The following CCDC91 variants were observed in gnomAD, a reference collection of about 807,000 sequenced individuals.
CCDC91 encodes coiled-coil domain containing 91.
CCDC91 carries 48 observed loss-of-function variants against 63.2 expected under a neutral mutation model. The observed-to-expected ratio is 0.76, with a 90% confidence interval of 0.60 to 0.97. CCDC91 has a LOEUF of 0.97. Ranked by LOEUF, CCDC91 falls within the 50% of genes least tolerant of loss-of-function variation. The probability of loss-of-function intolerance (pLI) is 0.00; values close to 1 mark genes in which losing one functional copy is unlikely to be tolerated. For synonymous variants in CCDC91, 167 were observed against 165.8 expected (o/e 1.01, Z -0.06); for missense variants, 500 against 494.6 (o/e 1.01, Z -0.10).
At chr12:28,434,594 G>GTTTTTTTTTTTTT (rs376645678) in intron 8 of CCDC91, among the ~76,000 whole-genome samples, 6 of 73,436 alleles carry the variant, frequency 8.2e-5, no homozygotes, top group African/African-American at 1.2e-4. Context: ...CCTTGGTCTG[G>GTTTTTTTTTTTTT]TTTTTTTTTT....
chr12:28,535,534 T>G (rs2141693844), intron 12 of CCDC91, among the ~76,000 whole-genome samples: 1 of 152,342 alleles, frequency 6.6e-6, no homozygotes, highest in Non-Finnish European at 1.5e-5. Flanking sequence ...CTAATTCATA[T>G]GGTATTTTAG....
At chr12:28,478,250 T>G (rs967339222) in intron 11 of CCDC91, among the ~76,000 whole-genome samples, 9 of 152,038 alleles carry the variant, frequency 5.9e-5, no homozygotes, top group East Asian at 5.8e-4. Context: ...CATGGTACTG[T>G]TACCAAAACA....
At chr12:28,499,676 A>G (rs542152434) in intron 12 of CCDC91, among the ~76,000 whole-genome samples, 1 of 152,136 alleles carries the variant, frequency 6.6e-6, no homozygotes, top group Non-Finnish European at 1.5e-5. Flanking sequence ...ACATGAACTC[A>G]TCCTTTTTTA....
chr12:28,363,704 C>T (rs1249688174), intron 7 of CCDC91, among the ~76,000 whole-genome samples: 5 of 151,142 alleles, frequency 3.3e-5, no homozygotes, highest in African/African-American at 9.7e-5. Flanking sequence ...GGTGAAACCC[C>T]GTCTCTATTA....
intron 3 of CCDC91, among the ~76,000 whole-genome samples, chr12:28,269,432 T>A (rs1947589180): frequency 6.6e-6 from 1 of 152,126 alleles, no homozygotes; most frequent in Non-Finnish European, 1.5e-5. Context: ...CCAGGGATGT[T>A]TTCAGTTCTC....
At chr12:28,362,742 A>C (rs1252829637) in intron 7 of CCDC91, among the ~76,000 whole-genome samples, 2 of 152,236 alleles carry the variant, frequency 1.3e-5, no homozygotes, top group Non-Finnish European at 2.9e-5. Context: ...ATTTGAGAAT[A>C]TAGTATCAGC....
chr12:28,505,101 A>T (rs561114078), intron 12 of CCDC91, among the ~76,000 whole-genome samples: 132 of 152,110 alleles, frequency 8.7e-4, no homozygotes, highest in African/African-American at 3.0e-3. Context: ...TGGCAGAATT[A>T]TTCAGCAAGG....
intron 1 of CCDC91, among the ~76,000 whole-genome samples, chr12:28,197,298 C>T (rs758190337): frequency 8.6e-5 from 13 of 151,966 alleles, no homozygotes; most frequent in African/African-American, 1.5e-4. Context: ...GTTTTTTAAG[C>T]GGTTTAGAGT....
chr12:28,343,380 G>A (rs1374760973), intron 6 of CCDC91, among the ~76,000 whole-genome samples: 2 of 152,050 alleles, frequency 1.3e-5, no homozygotes, highest in Non-Finnish European at 2.9e-5. Flanking sequence ...TGGGAGAGTA[G>A]AAGGAGGAGC....
chr12:28,504,986 C>G (rs1938521186), intron 12 of CCDC91, among the ~76,000 whole-genome samples: 1 of 151,956 alleles, frequency 6.6e-6, no homozygotes, highest in South Asian at 2.1e-4. Flanking sequence ...ACTCTAAAAG[C>G]TATTTCCAAT....
chr12:28,505,181 C>CT (rs1207127302), intron 12 of CCDC91, among the ~76,000 whole-genome samples: 4 of 151,776 alleles, frequency 2.6e-5, no homozygotes, highest in African/African-American at 9.7e-5. Context: ...TACTATTTGC[C>CT]TTTTTTCTAA....
At chr12:28,479,383 A>T (rs143677192) in intron 11 of CCDC91, among the ~76,000 whole-genome samples, 1 of 152,054 alleles carries the variant, frequency 6.6e-6, no homozygotes, top group African/African-American at 2.4e-5. Context: ...AAACACCTGC[A>T]TGTTCTCACT....
At chr12:28,266,374 T>C (rs1269829820) in intron 3 of CCDC91, among the ~76,000 whole-genome samples, 14 of 152,044 alleles carry the variant, frequency 9.2e-5, no homozygotes, top group Non-Finnish European at 1.9e-4. Context: ...CTAGATGATA[T>C]CTAAACAATT....
At chr12:28,306,703 C>T (rs1281423451) in intron 4 of CCDC91, 39 bp from the exon 5 acceptor site, 1 of 1,429,334 alleles carries the variant, frequency 7.0e-7, no homozygotes, top group Non-Finnish European at 9.7e-7. Context: ...ATAGTGTAAA[C>T]TTTCCTCTCT....
chr12:28,391,896 T>C (rs757712724), intron 8 of CCDC91, among the ~76,000 whole-genome samples: 2 of 152,160 alleles, frequency 1.3e-5, no homozygotes, highest in Non-Finnish European at 2.9e-5. Flanking sequence ...ACAAAGCAGC[T>C]GAAGATTTAT....
chr12:28,357,219 A>G (rs562280280), intron 6 of CCDC91, among the ~76,000 whole-genome samples: 1 of 152,236 alleles, frequency 6.6e-6, no homozygotes, highest in South Asian at 2.1e-4. Flanking sequence ...CCTTGTTTAC[A>G]TGTGTCTCTA....
At chr12:28,542,365 CT>C (rs1942688255) in intron 12 of CCDC91, among the ~76,000 whole-genome samples, 1 of 152,082 alleles carries the variant, frequency 6.6e-6, no homozygotes, top group Non-Finnish European at 1.5e-5. Context: ...AAAAGAGCAT[CT>C]GTAATTCATC....
At chr12:28,399,323 AC>A (rs939860032) in intron 8 of CCDC91, among the ~76,000 whole-genome samples, 1 of 152,164 alleles carries the variant, frequency 6.6e-6, no homozygotes, top group African/African-American at 2.4e-5. Context: ...TGAGAACTCA[AC>A]TATCATGAGA....
chr12:28,346,999 T>G (rs968766549), intron 6 of CCDC91, among the ~76,000 whole-genome samples: 1 of 152,228 alleles, frequency 6.6e-6, no homozygotes, highest in Non-Finnish European at 1.5e-5. Context: ...TTAGGAGTTA[T>G]GAGCTAGGAA....
Sources: allele counts gnomAD v4.1 joint callset (sites outside exome capture counted in the v4.1 genomes callset), GRCh38; gene constraint gnomAD v4.1.1; transcripts MANE v1.5; gene names NCBI Gene and HGNC (gene_info 2026-07-23, HGNC 2026-07-21).